SEPTIN14: variants seen among roughly 807,000 people sequenced by gnomAD.
SEPTIN14 encodes septin 14.
In SEPTIN14, 40 loss-of-function variants were observed where a neutral mutation model predicts 53.6. The ratio of observed to expected loss-of-function variants is 0.75; its 90% confidence interval spans 0.58 to 0.97. The LOEUF (loss-of-function observed/expected upper bound fraction) is 0.97. Among genes scored for constraint, SEPTIN14 ranks in the 50% least tolerant of loss-of-function variants. The pLI is 0.00. For missense variants in SEPTIN14, 471 were observed against 508.2 expected, an observed-to-expected ratio of 0.93 and a Z score of 0.70; for synonymous variants, 138 against 166.8, an observed-to-expected ratio of 0.83 and a Z score of 1.33.
intron 7 of SEPTIN14, among the ~76,000 whole-genome samples, chr7:55,808,517 T>C (rs1378489257): frequency 6.6e-6 from 1 of 152,218 alleles, no homozygotes; most frequent in Non-Finnish European, 1.5e-5. Context: ...GGAATATAAA[T>C]TAGTTCAGCC....
At position 55,798,272 on chromosome 7, in the gene SEPTIN14, A is replaced by G. The variant is rs1213481444; in HGVS notation, c.1120-2180T>C. On this transcript the variant is annotated intron_variant, in intron 9 of 9. Transcript: ENST00000388975. Reference sequence around the variant, plus strand: ...CAGCTGTTGCTCATGAGCGTCCACCAGGTGGGACAGGGAGTGCTGACCCTG... The same window carrying G: ...CAGCTGTTGCTCATGAGCGTCCACCGGGTGGGACAGGGAGTGCTGACCCTG... 4 of 457,280 alleles carry G rather than the reference A, an allele frequency of 8.7e-6. No homozygotes were observed. The East Asian group carries it at 1.9e-4, about 22-fold the overall frequency. 28.3% of individuals were successfully genotyped at this position (457,280 alleles called of 1,614,324 possible).
intron 7 of SEPTIN14, among the ~76,000 whole-genome samples, chr7:55,811,995 A>C (rs1788713700): frequency 6.6e-6 from 1 of 151,990 alleles, no homozygotes; most frequent in Non-Finnish European, 1.5e-5. Context: ...GGGTTTTGCC[A>C]TGTGGGCCAC....
At chr7:55,830,348 TA>T (rs1207558888) in intron 6 of SEPTIN14, among the ~76,000 whole-genome samples, 398 of 18,220 alleles carry the variant, frequency 0.022, 5 homozygotes, top group East Asian at 0.076. Context: ...TATATATATA[TA>T]TTTTTTTTTT....
intron 5 of SEPTIN14, among the ~76,000 whole-genome samples, chr7:55,840,908 T>A (rs1030907076): frequency 3.3e-5 from 5 of 152,026 alleles, no homozygotes; most frequent in African/African-American, 1.2e-4. Flanking sequence ...ATTTATTATT[T>A]ATTTATTTAT....
chr7:55,833,660 A>AT (rs1789153029), intron 6 of SEPTIN14, among the ~76,000 whole-genome samples: 1 of 152,088 alleles, frequency 6.6e-6, no homozygotes, highest in South Asian at 2.1e-4. Context: ...GTGAGCCGAG[A>AT]TTGTGCCACT....
rs1788380444 is a variant in SEPTIN14, at chr7:55,793,804, T to A, written c.*2109A>T. ...CCAAAAACGAAATCTACATAGAATA[T>A]ACACAAAAGGAAATGAGAATAGAAA... is the stretch of plus-strand genomic sequence containing the variant. On this transcript the variant is annotated 3_prime_UTR_variant, in exon 10 of 10. Coordinates refer to ENST00000388975, the MANE Select transcript of SEPTIN14 (RefSeq NM_207366.3). 1 of 151,924 alleles carries A rather than the reference T, an allele frequency of 6.6e-6. No homozygotes were observed. The highest frequency in any genetic ancestry group is 1.5e-5 in the Non-Finnish European group (1 of 67,934). 9.4% of individuals were successfully genotyped at this position (151,924 alleles called of 1,614,324 possible).
At chr7:55,830,345 A>ATTTTTTTT (rs1337453699) in intron 6 of SEPTIN14, among the ~76,000 whole-genome samples, 1 of 40,104 alleles carries the variant, frequency 2.5e-5, no homozygotes, top group Non-Finnish European at 3.7e-5. Flanking sequence ...ATATATATAT[A>ATTTTTTTT]TATATTTTTT....
At chr7:55,839,914 G>T (rs1789278211) in intron 5 of SEPTIN14, among the ~76,000 whole-genome samples, 1 of 152,064 alleles carries the variant, frequency 6.6e-6, no homozygotes, top group Admixed American at 6.6e-5. Context: ...GGAGGCCGAG[G>T]TGGGCAGATC....
intron 6 of SEPTIN14, among the ~76,000 whole-genome samples, chr7:55,820,247 C>A (rs559872505): frequency 7.7e-4 from 117 of 152,314 alleles, no homozygotes; most frequent in African/African-American, 2.6e-3. Flanking sequence ...GTGTTCTGTC[C>A]ACCTCAGCCT....
intron 9 of SEPTIN14, among the ~76,000 whole-genome samples, chr7:55,800,676 A>G (rs963518873): frequency 1.3e-5 from 2 of 152,050 alleles, no homozygotes; most frequent in African/African-American, 4.8e-5. Flanking sequence ...GATGATTACC[A>G]GAGGCTGGGA....
chr7:55,820,741 A>C (rs954499787), intron 6 of SEPTIN14, among the ~76,000 whole-genome samples: 13 of 152,092 alleles, frequency 8.5e-5, no homozygotes, highest in Non-Finnish European at 1.9e-4. Context: ...GGAGTTCGAG[A>C]CCAGCCTTGC....
intron 2 of SEPTIN14, 92 bp from the exon 3 acceptor site, chr7:55,846,729 AATTG>A (rs1180540626): frequency 9.3e-6 from 6 of 645,372 alleles, no homozygotes; most frequent in African/African-American, 7.5e-5. Flanking sequence ...AATAAATTAG[AATTG>A]ATTATCATTT....
intron 9 of SEPTIN14, chr7:55,798,633 C>A: frequency 5.7e-6 from 2 of 348,680 alleles, no homozygotes; most frequent in Non-Finnish European, 1.1e-5. Context: ...GTGAGTGGCA[C>A]TCATGATCTT....
chr7:55,801,699 C>T lies in SEPTIN14; in HGVS notation c.1119+3559G>A, dbSNP rs189865201. 4.6e-4 allele frequency among the ~76,000 whole-genome samples: 70 copies of T among 152,166 alleles called. 1 individual carries two copies. The highest frequency in any genetic ancestry group is 3.4e-3 in the Middle Eastern group (1 of 294). ...GTTTAGGAGGCTGAGGTGGGCAGAT[C>T]ACTTGAACTCAGGAGTTCGAGACCA... is the stretch of plus-strand genomic sequence containing the variant. On this transcript the variant is annotated intron_variant, in intron 9 of 9. Transcript: ENST00000388975.
intron 6 of SEPTIN14, among the ~76,000 whole-genome samples, chr7:55,828,673 G>A (rs1789034534): frequency 6.6e-6 from 1 of 152,088 alleles, no homozygotes; most frequent in African/African-American, 2.4e-5. Context: ...AGTGCCTTTT[G>A]GCTTGTAAAC....
In SEPTIN14 at chr7:55,794,437, A is replaced by T. The variant is rs1166159741; in HGVS notation, c.*1476T>A. ...TGTATGCATATGGCATAGCTAATGTACTATTGCTGGGTCCATTTATTCAAT... is the reference window on the plus strand; with the variant it reads ...TGTATGCATATGGCATAGCTAATGTTCTATTGCTGGGTCCATTTATTCAAT... On this transcript the variant is annotated 3_prime_UTR_variant, in exon 10 of 10. Transcript: ENST00000388975. The T allele has an allele frequency of 1.3e-5, 2 of 152,210 alleles. No homozygotes were observed. The highest frequency in any genetic ancestry group is 2.4e-5 in the African/African-American group (1 of 41,462). 9.4% of individuals were successfully genotyped at this position (152,210 alleles called of 1,614,324 possible). A position where few individuals can be genotyped will look rare whatever the true frequency, so the allele number is the denominator to read the frequency against.
intron 7 of SEPTIN14, chr7:55,810,858 G>A (rs1788688739): frequency 6.5e-6 from 2 of 308,966 alleles, no homozygotes; most frequent in Non-Finnish European, 1.3e-5. Flanking sequence ...AAACCTGGGT[G>A]TCAGGCCTGG....
intron 2 of SEPTIN14, among the ~76,000 whole-genome samples, chr7:55,855,736 T>C (rs1183764896): frequency 6.6e-6 from 1 of 152,038 alleles, no homozygotes; most frequent in East Asian, 1.9e-4. Flanking sequence ...GTATTTTTAG[T>C]AGAGACGGAG....
intron 5 of SEPTIN14, among the ~76,000 whole-genome samples, chr7:55,840,257 G>A (rs1789285763): frequency 6.6e-6 from 1 of 151,714 alleles, no homozygotes; most frequent in Admixed American, 6.6e-5. Flanking sequence ...GGGAGGCCGA[G>A]GTGGGTGGAT....
Sources: allele counts gnomAD v4.1 joint callset (sites outside exome capture counted in the v4.1 genomes callset), GRCh38; gene constraint gnomAD v4.1.1; transcripts MANE v1.5; gene names NCBI Gene and HGNC (gene_info 2026-07-23, HGNC 2026-07-21).